ENPP5: variants seen among roughly 807,000 people sequenced by gnomAD.
The protein encoded by ENPP5 is E-NPP 5.
In ENPP5, 27 loss-of-function variants were observed where a neutral mutation model predicts 33.7. The observed-to-expected ratio is 0.80, with a 90% confidence interval of 0.59 to 1.11. The LOEUF (loss-of-function observed/expected upper bound fraction) is 1.11. Among genes scored for constraint, ENPP5 ranks in the 50% least tolerant of loss-of-function variants. The probability of loss-of-function intolerance (pLI) is 0.00; values close to 1 mark genes in which losing one functional copy is unlikely to be tolerated. For synonymous variants in ENPP5, 199 were observed against 200.5 expected (o/e 0.99, Z 0.06); for missense variants, 552 against 579.2 (o/e 0.95, Z 0.48).
chr6:46,165,458 C>A lies in ENPP5; in HGVS notation c.935G>T (p.Arg312Leu), dbSNP rs150393588. 1.2e-6 allele frequency: 2 copies of A among 1,610,840 alleles called. No individual in the cohort carries two copies. The highest frequency in any genetic ancestry group is 2.2e-5 in the East Asian group (1 of 44,772). ...PERWHYKYNSRIQPIIAVADE... is the reference protein window; with the variant it reads ...PERWHYKYNSLIQPIIAVADE... Reference sequence around the variant, plus strand: ...AGCCACTGCTATGATTGGTTGAATTCGACTGTTGTATTTGTAATGCCACCT... The same window carrying A: ...AGCCACTGCTATGATTGGTTGAATTAGACTGTTGTATTTGTAATGCCACCT... The change falls in exon 4 of 5, where the codon CGA becomes CTA. Residue 312 changes from arginine to leucine, a missense_variant. Coordinates refer to ENST00000371383, the MANE Select transcript of ENPP5 (RefSeq NM_001290072.2).
At chr6:46,167,315 T>A in intron 3 of ENPP5, 119 bp downstream of exon 3, 1 of 687,000 alleles carries the variant, frequency 1.5e-6, no homozygotes, top group Non-Finnish European at 2.5e-6. Context: ...TCCCAGAATA[T>A]TACCATGACA....
rs1439002571 is a variant in ENPP5, at chr6:46,159,373, C to T, written c.*1953G>A. Reference sequence around the variant, plus strand: ...ATTATTAATTTAAATGGACAGATAGCATAATAGTAATGCTCTAAAATGGAC... The same window carrying T: ...ATTATTAATTTAAATGGACAGATAGTATAATAGTAATGCTCTAAAATGGAC... On this transcript the variant is annotated 3_prime_UTR_variant, in exon 5 of 5. Coordinates refer to ENST00000371383, the MANE Select transcript of ENPP5 (RefSeq NM_001290072.2). 1 of 152,084 alleles carries T rather than the reference C, an allele frequency of 6.6e-6. No homozygotes were observed. Among genetic ancestry groups the T allele is most frequent in the Non-Finnish European group, 1.5e-5 (1 of 68,002 alleles). The allele number at this position is 152,084 out of a possible 1,614,324, so 9.4% of individuals were successfully genotyped here.
chr6:46,168,980 T>C (rs1180175437), intron 2 of ENPP5, among the ~76,000 whole-genome samples: 1 of 152,164 alleles, frequency 6.6e-6, no homozygotes. Context: ...AATAATTAGA[T>C]TCTAAACTAA....
At position 46,159,829 on chromosome 6, in the gene ENPP5, C is replaced by T. The variant is rs1307040222; in HGVS notation, c.*1497G>A. 1 of 152,176 alleles carries T rather than the reference C, an allele frequency of 6.6e-6. No homozygotes were observed. The highest frequency in any genetic ancestry group is 2.4e-5 in the African/African-American group (1 of 41,454). 9.4% of individuals were successfully genotyped at this position (152,176 alleles called of 1,614,324 possible). A position where few individuals can be genotyped will look rare whatever the true frequency, so the allele number is the denominator to read the frequency against. On this transcript the variant is annotated 3_prime_UTR_variant, in exon 5 of 5. Coordinates refer to ENST00000371383, the MANE Select transcript of ENPP5 (RefSeq NM_001290072.2). ...CATATATATACATGAAATCACAGTA[C>T]TATCCATGTGTCTGTAAAATGCTAT...
chr6:46,167,755 T>C lies in ENPP5; in HGVS notation c.508A>G (p.Ile170Val), dbSNP rs1764596744. 1 of 1,613,948 alleles carries C rather than the reference T, an allele frequency of 6.2e-7. No homozygotes were observed. Among genetic ancestry groups the C allele is most frequent in the South Asian group, 1.1e-5 (1 of 91,084 alleles). The change falls in exon 3 of 5, where the codon ATT becomes GTT. Residue 170 changes from isoleucine to valine, a missense_variant. Ile to Val is a conservative substitution (Grantham distance 29, BLOSUM62 3). Transcript: ENST00000371383. ...SVSFEDRVAK[I>V]IEWFTSKEPI... ...TCTTTTGACGTAAACCATTCAATAA[T>C]TTTGGCAACTCTATCTTCAAATGAA... is the stretch of plus-strand genomic sequence containing the variant.
Position 46,161,628 on chromosome 6 carries a change from A to C in ENPP5, c.1132T>G (p.Cys378Gly), listed in dbSNP as rs1365261406. Residue 378 changes from cysteine to glycine, a missense_variant, in exon 5 of 5, where the codon TGC becomes GGC. Cys to Gly is a radical substitution (Grantham distance 159). Transcript: ENST00000371383. ...ATGGCGGTGATATTGAGGAGGTGGC[A>C]TAGTAGTGGGTACAAATCTGTGGAG... ...MNSTDLYPLL[C>G]HLLNITAMPH... The C allele has an allele frequency of 2.5e-6, 4 of 1,614,054 alleles. No homozygotes were observed. The highest frequency in any genetic ancestry group is 3.4e-6 in the Non-Finnish European group (4 of 1,179,912).
At chr6:46,165,605 T>C (rs1202269757) in intron 3 of ENPP5, 42 bp from the exon 4 acceptor site, 2 of 1,409,986 alleles carry the variant, frequency 1.4e-6, no homozygotes, top group Non-Finnish European at 1.9e-6. Context: ...AAAATACTCA[T>C]AGCTACCATC....
At chr6:46,166,102 C>T (rs974166059) in intron 3 of ENPP5, among the ~76,000 whole-genome samples, 1 of 152,128 alleles carries the variant, frequency 6.6e-6, no homozygotes, top group Non-Finnish European at 1.5e-5. Flanking sequence ...AGGTTGCATC[C>T]TTATCTTCTG....
In ENPP5 at chr6:46,168,176, C is replaced by A; in HGVS notation, c.87G>T (p.Lys29Asn). 4 of 1,613,380 alleles carry A rather than the reference C, an allele frequency of 2.5e-6. No individual in the cohort carries two copies. The highest frequency in any genetic ancestry group is 1.7e-6 in the Non-Finnish European group (2 of 1,179,418). Residue 29 changes from lysine (K) to asparagine (N), a missense_variant, in exon 3 of 5, where the codon AAG (lysine) becomes AAT (asparagine). Coordinates refer to ENST00000371383, the MANE Select transcript of ENPP5 (RefSeq NM_001290072.2). ...ATCCATCAAAAGAAACTAGTAGAAC[C>A]TTTTGCTGGTCTGGTTGGAGAGAAA... is the stretch of plus-strand genomic sequence containing the variant. ...TTFSLQPDQQ[K>N]VLLVSFDGFR...
At chr6:46,170,390 AT>A (rs35802161) in intron 1 of ENPP5, among the ~76,000 whole-genome samples, 3,805 of 146,680 alleles carry the variant, frequency 0.026, 133 homozygotes, top group African/African-American at 0.082. Flanking sequence ...AACAATCAGA[AT>A]TTTTTTTTTT....
At chr6:46,165,619 C>A in intron 3 of ENPP5, 56 bp from the exon 4 acceptor site, 1 of 1,308,172 alleles carries the variant, frequency 7.6e-7, no homozygotes, top group Non-Finnish European at 1.0e-6. Context: ...TACCATCAGC[C>A]ATGGGCAACA....
Position 46,165,372 on chromosome 6 carries a change from C to T in ENPP5, c.1006+15G>A, listed in dbSNP as rs373552958. The T allele has an allele frequency of 6.6e-7, 1 of 1,524,732 alleles. No individual in the cohort carries two copies. Among genetic ancestry groups the T allele is most frequent in the Non-Finnish European group, 8.8e-7 (1 of 1,142,338 alleles). The allele number at this position is 1,524,732 out of a possible 1,614,324, so 94.5% of individuals were successfully genotyped here. On this transcript the variant is annotated intron_variant, in intron 4 of 4. Coordinates refer to ENST00000371383, the MANE Select transcript of ENPP5 (RefSeq NM_001290072.2). ...AAGTAATGCAGAATGGAAAGAAATACTGTAACATACTCACACAGAAAGTCA... is the reference window on the plus strand; with the variant it reads ...AAGTAATGCAGAATGGAAAGAAATATTGTAACATACTCACACAGAAAGTCA...
chr6:46,165,530 TGA>T lies in ENPP5; in HGVS notation c.861_862del (p.His288ArgfsTer4). The T allele has an allele frequency of 1.9e-6, 3 of 1,601,862 alleles. No individual in the cohort carries two copies. The highest frequency in any genetic ancestry group is 1.7e-4 in the Middle Eastern group (1 of 6,010). On this transcript the variant is annotated frameshift_variant, in exon 4 of 5. Coordinates refer to ENST00000371383, the MANE Select transcript of ENPP5 (RefSeq NM_001290072.2). LOFTEE classifies it high-confidence loss of function. ...GTAAACAGTAAGATTAGGATGAGCG[TGA>T]GTTAGTGCTTCATAGACTTCATCAA...
At chr6:46,164,666 GC>G (rs1444318265) in intron 4 of ENPP5, among the ~76,000 whole-genome samples, 1 of 151,478 alleles carries the variant, frequency 6.6e-6, no homozygotes, top group Admixed American at 6.6e-5. Flanking sequence ...AGAGCTACCT[GC>G]ACAAGACATA....
intron 3 of ENPP5, 118 bp from the exon 4 acceptor site, chr6:46,165,681 T>G (rs181498276): frequency 2.5e-6 from 2 of 794,046 alleles, no homozygotes; most frequent in East Asian, 2.9e-5. Flanking sequence ...AAAAAATTCT[T>G]TTTCCCCTTG....
intron 2 of ENPP5, among the ~76,000 whole-genome samples, chr6:46,168,766 TTA>T (rs945858566): frequency 1.1e-3 from 164 of 151,618 alleles, no homozygotes; most frequent in African/African-American, 3.4e-3. Flanking sequence ...TACATATATA[TTA>T]TATATATATG....
In ENPP5 at chr6:46,161,173, A is replaced by ATGTG. The variant is rs35054026; in HGVS notation, c.*149_*152dup. 1,262 of 569,782 alleles carry ATGTG rather than the reference A, an allele frequency of 2.2e-3. 4 individuals carry two copies. Among genetic ancestry groups the ATGTG allele is most frequent in the South Asian group, 2.0e-3 (91 of 45,796 alleles). 35.3% of individuals were successfully genotyped at this position (569,782 alleles called of 1,614,324 possible). On this transcript the variant is annotated 3_prime_UTR_variant, in exon 5 of 5. Coordinates refer to ENST00000371383, the MANE Select transcript of ENPP5 (RefSeq NM_001290072.2). ...TAAGTATTTTGGTCCGTGTGTGTGT[A>ATGTG]TGTGTGTGTGTGTGTGTGTGTATAC...
Position 46,164,236 on chromosome 6 carries a change from A to C in ENPP5, c.1006+1151T>G, listed in dbSNP as rs917462405. ...AATATCCAGAATCTACAATGAACGCAAACAAATTTACAAGAAAAAAACAAA... is the reference window on the plus strand; with the variant it reads ...AATATCCAGAATCTACAATGAACGCCAACAAATTTACAAGAAAAAAACAAA... On this transcript the variant is annotated intron_variant, in intron 4 of 4. Transcript: ENST00000371383. Among the ~76,000 whole-genome samples the C allele has an allele frequency of 1.1e-3, 171 of 152,328 alleles. 1 individual carries two copies. Among genetic ancestry groups the C allele is most frequent in the African/African-American group, 3.8e-3 (156 of 41,564 alleles).
rs1211056975 is a variant in ENPP5, at chr6:46,161,499, T to G, written c.1261A>C (p.Lys421Gln). The G allele has an allele frequency of 6.2e-7, 1 of 1,614,124 alleles. No individual in the cohort carries two copies. Among genetic ancestry groups the G allele is most frequent in the Non-Finnish European group, 8.5e-7 (1 of 1,179,968 alleles). ...QSTILLPGSV[K>Q]PAEYDQEGSY... Reference sequence around the variant, plus strand: ...CCCTCTTGGTCATATTCTGCTGGTTTAACACTACCAGGGAGGAGTATAGTA... The same window carrying G: ...CCCTCTTGGTCATATTCTGCTGGTTGAACACTACCAGGGAGGAGTATAGTA... Residue 421 changes from lysine to glutamine, a missense_variant, in exon 5 of 5, where the codon AAA (lysine) becomes CAA (glutamine). Lys to Gln is a moderately conservative substitution (Grantham distance 53). Coordinates refer to ENST00000371383, the MANE Select transcript of ENPP5 (RefSeq NM_001290072.2).
Sources: allele counts gnomAD v4.1 joint callset (sites outside exome capture counted in the v4.1 genomes callset), GRCh38; gene constraint gnomAD v4.1.1; transcripts MANE v1.5; gene names NCBI Gene and HGNC (gene_info 2026-07-23, HGNC 2026-07-21).